Variants in PPFIA4 observed in about 807,000 individuals in gnomAD.
PPFIA4 encodes the protein liprin-alpha-4.
PPFIA4 carries 98 observed loss-of-function variants against 145.7 expected under a neutral mutation model. That is an observed-to-expected ratio of 0.67 (90% CI 0.57 to 0.80). The LOEUF (loss-of-function observed/expected upper bound fraction) is 0.80, where lower values mean the gene tolerates loss of function less well. PPFIA4 is among the 30% of genes least tolerant of loss of function. The probability of loss-of-function intolerance (pLI) is 0.00; values close to 1 mark genes in which losing one functional copy is unlikely to be tolerated. For missense variants in PPFIA4, 1,457 were observed against 1,632.7 expected (o/e 0.89, Z 1.85); for synonymous variants, 628 against 649.6 (o/e 0.97, Z 0.51).
chr1:203,056,112 T>C lies in PPFIA4; in HGVS notation c.2071-8T>C. On this transcript the variant is annotated splice_polypyrimidine_tract_variant and splice_region_variant and intron_variant, in intron 16 of 29. Coordinates refer to ENST00000295706, the MANE Select transcript of PPFIA4 (RefSeq NM_001304331.2). The stretch of plus-strand genomic sequence containing the variant: ...GAGTCTGAGCTTACCCATCCCTCTC[T>C]CTTGCAGCCCAGTGACTTAAGAAAG... 6.2e-7 allele frequency: 1 copy of C among 1,613,910 alleles called. No homozygotes were observed. Among genetic ancestry groups the C allele is most frequent in the African/African-American group, 1.3e-5 (1 of 75,016 alleles).
intron 25 of PPFIA4, among the ~76,000 whole-genome samples, chr1:203,066,462 A>G (rs1201408884): frequency 6.6e-6 from 1 of 152,224 alleles, no homozygotes; most frequent in Non-Finnish European, 1.5e-5. Context: ...TTCTCTAAAG[A>G]TGGGAAAACT....
At chr1:203,074,376 A>C (rs1299805446) in intron 28 of PPFIA4, among the ~76,000 whole-genome samples, 2 of 152,200 alleles carry the variant, frequency 1.3e-5, no homozygotes, top group African/African-American at 2.4e-5. Flanking sequence ...ATATCTAAAC[A>C]TAGAAAAGGG....
rs1001447764 is a variant in PPFIA4 at position 203,036,707 on chromosome 1, A to G, written c.-399-1903A>G. Among the ~76,000 whole-genome samples the G allele has an allele frequency of 3.3e-5, 5 of 152,226 alleles. No individual in the cohort carries two copies. The East Asian group carries it at 9.6e-4, about 29-fold the overall frequency. ...AATTGGAGGAACGGCTGTTATCAGC[A>G]TCAGGGAGATGGCAGCTCTGGACAG... On this transcript the variant is annotated intron_variant, in intron 1 of 29. Transcript: ENST00000295706.
Position 203,043,544 on chromosome 1 carries a change from G to A in PPFIA4, c.336+46G>A, listed in dbSNP as rs1310452927. On this transcript the variant is annotated intron_variant, in intron 3 of 29. Transcript: ENST00000295706. This position sits in a 1 kb window ranked among gnomAD's most constrained non-coding sequence, Gnocchi z 4.4. ...GTCGCGCGCGCGCACGTGTGTGTGT[G>A]TGTGTATGGGGGTGTGTTGTGAACA... 3 of 1,501,764 alleles carry A rather than the reference G, an allele frequency of 2.0e-6. No homozygotes were observed. Among genetic ancestry groups the A allele is most frequent in the Admixed American group, 1.9e-5 (1 of 51,850 alleles). 93.0% of individuals were successfully genotyped at this position (1,501,764 alleles called of 1,614,324 possible).
Position 203,076,651 on chromosome 1 carries a change from C to G in PPFIA4, c.*261C>G, listed in dbSNP as rs1252657933. 1.8e-6 allele frequency: 1 copy of G among 544,924 alleles called. No individual in the cohort carries two copies. The highest frequency in any genetic ancestry group is 3.2e-5 in the East Asian group (1 of 31,366). The allele number at this position is 544,924 out of a possible 1,614,324, so 33.8% of individuals were successfully genotyped here. On this transcript the variant is annotated 3_prime_UTR_variant, in exon 30 of 30. Coordinates refer to ENST00000295706, the MANE Select transcript of PPFIA4 (RefSeq NM_001304331.2). ...ACCCAGGTTGTCCATGCTTGGGATT[C>G]TGGGGGAAGGAGAGAAGGGCAGCTC...
chr1:203,040,807 T>A (rs769050458), intron 2 of PPFIA4, among the ~76,000 whole-genome samples: 8 of 152,158 alleles, frequency 5.3e-5, no homozygotes, highest in Non-Finnish European at 1.2e-4. Flanking sequence ...TCAGAGAGAT[T>A]AGGTAACTTA....
chr1:203,040,181 G>A (rs906396799), intron 2 of PPFIA4, among the ~76,000 whole-genome samples: 7 of 152,220 alleles, frequency 4.6e-5, no homozygotes, highest in Non-Finnish European at 7.3e-5. Context: ...AGAGGGCTGG[G>A]GGTTGTGTGT....
rs1379738243 is a variant in PPFIA4 at position 203,063,905 on chromosome 1, C to T, written c.2952C>T (p.Arg984=). 2 of 1,613,966 alleles carry T rather than the reference C, an allele frequency of 1.2e-6. No homozygotes were observed. Among genetic ancestry groups the T allele is most frequent in the East Asian group, 2.2e-5 (1 of 44,894 alleles). ...WLPSLGLPQY[R]SYFMECLVDA... is the part of the protein sequence containing the mutation. The stretch of plus-strand genomic sequence containing the variant: ...CCAGCCTGGGGCTCCCGCAGTACCG[C>T]AGCTACTTCATGGAGTGCCTGGTGG... The change falls in exon 25 of 30, where the codon CGC becomes CGT. Residue 984 remains arginine, a synonymous_variant. Coordinates refer to ENST00000295706, the MANE Select transcript of PPFIA4 (RefSeq NM_001304331.2).
chr1:203,064,131 C>G (rs1661578895), intron 25 of PPFIA4, 128 bp downstream of exon 25: 3 of 998,666 alleles, frequency 3.0e-6, no homozygotes, highest in Non-Finnish European at 4.3e-6. Flanking sequence ...ACAGGTCTCC[C>G]CCTTGGGAAA....
At chr1:203,066,617 C>A (rs1170328535) in intron 25 of PPFIA4, among the ~76,000 whole-genome samples, 1 of 152,180 alleles carries the variant, frequency 6.6e-6, no homozygotes, top group East Asian at 1.9e-4. Context: ...CTGAAGGAAG[C>A]TGTAGGGGTG....
At chr1:203,032,930 T>C (rs1329024363) in intron 1 of PPFIA4, among the ~76,000 whole-genome samples, 1 of 152,118 alleles carries the variant, frequency 6.6e-6, no homozygotes, top group Non-Finnish European at 1.5e-5. Context: ...TGATAGGCCA[T>C]GTCTTGGGAA....
Position 203,075,843 on chromosome 1 carries a change from G to C in PPFIA4, c.3574+86G>C. 1.6e-6 allele frequency: 2 copies of C among 1,282,204 alleles called. No homozygotes were observed. Among genetic ancestry groups the C allele is most frequent in the Non-Finnish European group, 2.0e-6 (2 of 993,338 alleles). 79.4% of individuals were successfully genotyped at this position (1,282,204 alleles called of 1,614,324 possible). On this transcript the variant is annotated intron_variant, in intron 29 of 29. Coordinates refer to ENST00000295706, the MANE Select transcript of PPFIA4 (RefSeq NM_001304331.2). The surrounding 1 kb of genome is among the most constrained non-coding windows in gnomAD (Gnocchi z 4.1). ...ACCCCAGGGCCGGGCCGGGTGGAGA[G>C]GGGCGAGGCCGAGGCTGGTGCCCCG...
chr1:203,074,565 T>C (rs1023473942), intron 28 of PPFIA4, among the ~76,000 whole-genome samples: 9 of 152,014 alleles, frequency 5.9e-5, no homozygotes, highest in African/African-American at 2.2e-4. Context: ...ATCAGAGCAT[T>C]TGACCCACTT....
chr1:203,053,124 A>G lies in PPFIA4; in HGVS notation c.1621-629A>G, dbSNP rs546845744. ...CACAGAGAGGTTAAAAAATGTTCCT[A>G]TGGTTGCACAACTAGTGTTTGGTGG... On this transcript the variant is annotated intron_variant, in intron 14 of 29. Coordinates refer to ENST00000295706, the MANE Select transcript of PPFIA4 (RefSeq NM_001304331.2). Among the ~76,000 whole-genome samples the G allele has an allele frequency of 3.3e-5, 5 of 152,340 alleles. No individual in the cohort carries two copies. The South Asian group carries it at 1.0e-3, about 32-fold the overall frequency.
Position 203,051,922 on chromosome 1 carries a change from G to A in PPFIA4, c.1620+45G>A, listed in dbSNP as rs762255232. 10 of 1,589,148 alleles carry A rather than the reference G, an allele frequency of 6.3e-6. No homozygotes were observed. The Admixed American group carries it at 7.1e-5, about 11-fold the overall frequency. Reference sequence around the variant, plus strand: ...TCCTCAGGGAGTTTGGGGTCAATTCGGCCGCGTGCCTGGCTCCAGTTACGC... The same window carrying A: ...TCCTCAGGGAGTTTGGGGTCAATTCAGCCGCGTGCCTGGCTCCAGTTACGC... On this transcript the variant is annotated intron_variant, in intron 14 of 29. Coordinates refer to ENST00000295706, the MANE Select transcript of PPFIA4 (RefSeq NM_001304331.2).
chr1:203,045,492 G>A lies in PPFIA4; in HGVS notation c.791G>A (p.Gly264Asp). 1 of 1,607,996 alleles carries A rather than the reference G, an allele frequency of 6.2e-7. No homozygotes were observed. Among genetic ancestry groups the A allele is most frequent in the Non-Finnish European group, 8.5e-7 (1 of 1,177,980 alleles). ...TTVTELEEDL[G>D]TARRDLIKSE... is the part of the protein sequence containing the mutation. ...GTGACTGAACTCGAGGAGGACCTGG[G>A]CACGGCCCGCCGGGACCTCATCAAG... The change falls in exon 7 of 30, where the codon GGC (glycine) becomes GAC (aspartate). Residue 264 changes from glycine to aspartate, a missense_variant. By Grantham distance (94) the Gly-to-Asp change is moderately conservative. Around this residue, in one of 3 missense-constraint regions of PPFIA4, gnomAD observed 463 missense variants for 459.8 expected, o/e 1.01. Transcript: ENST00000295706.
At position 203,075,198 on chromosome 1, in the gene PPFIA4, C is replaced by T. The variant is rs972148459; in HGVS notation, c.3394-379C>T. ...AGGACAGGACAGTGTGTATAGGGAC[C>T]GGCTGTCACCTCCCATGGGCTGAGG... On this transcript the variant is annotated intron_variant, in intron 28 of 29. Transcript: ENST00000295706. The surrounding 1 kb of genome is among the most constrained non-coding windows in gnomAD (Gnocchi z 4.1). 1.2e-4 allele frequency among the ~76,000 whole-genome samples: 18 copies of T among 151,986 alleles called. No homozygotes were observed. The highest frequency in any genetic ancestry group is 2.1e-4 in the Non-Finnish European group (14 of 67,978).
chr1:203,056,658 T>A, intron 18 of PPFIA4, 126 bp from the exon 19 acceptor site: 1 of 1,311,836 alleles, frequency 7.6e-7, no homozygotes, highest in Admixed American at 2.2e-5. Flanking sequence ...AGTTCATGTG[T>A]CTCCTTTTCC....
intron 13 of PPFIA4, among the ~76,000 whole-genome samples, chr1:203,050,985 A>G (rs1660467121): frequency 6.6e-6 from 1 of 151,996 alleles, no homozygotes; most frequent in African/African-American, 2.4e-5. Context: ...GGGAACATGC[A>G]GGAACTTCCC....
Sources: gnomAD v4.1 joint callset for allele counts (sites outside exome capture counted in the v4.1 genomes callset) on GRCh38, gnomAD v4.1.1 for gene constraint, gnomAD v4.1.1 regional missense constraint, Gnocchi (gnomAD v3.1) non-coding constraint, MANE v1.5 for transcripts, NCBI Gene and HGNC (gene_info 2026-07-23, HGNC 2026-07-21) for gene names.